ADCY10: variants seen among roughly 807,000 people sequenced by gnomAD.
ADCY10 encodes the protein adenylate cyclase type 10.
ADCY10 carries 156 observed loss-of-function variants against 183.3 expected under a neutral mutation model. That is an observed-to-expected ratio of 0.85 (90% CI 0.75 to 0.97). ADCY10 has a LOEUF of 0.97. Ranked by LOEUF, ADCY10 falls within the 50% of genes least tolerant of loss-of-function variation. The probability of loss-of-function intolerance (pLI) is 0.00; values close to 1 mark genes in which losing one functional copy is unlikely to be tolerated. For missense variants in ADCY10, 1,745 were observed against 1,934.3 expected (o/e 0.90, Z 1.84); for synonymous variants, 645 against 670.0 (o/e 0.96, Z 0.58).
chr1:167,823,211 G>A, intron 28 of ADCY10, 88 bp from the exon 29 acceptor site: 1 of 1,109,650 alleles, frequency 9.0e-7, no homozygotes. Flanking sequence ...TGGATCACGA[G>A]GTCAGGAGTT....
At chr1:167,876,416 TA>T (rs971956711) in intron 12 of ADCY10, among the ~76,000 whole-genome samples, 73 of 152,294 alleles carry the variant, frequency 4.8e-4, no homozygotes, top group African/African-American at 1.7e-3. Flanking sequence ...GCTCACTCCA[TA>T]ACACTATCTC....
chr1:167,866,257 G>A (rs943876785), intron 14 of ADCY10, among the ~76,000 whole-genome samples: 8 of 152,152 alleles, frequency 5.3e-5, no homozygotes, highest in Non-Finnish European at 7.3e-5. Flanking sequence ...ATCGTAAAGC[G>A]AGAGAAGCCC....
At chr1:167,815,912 C>T (rs1464411002) in intron 31 of ADCY10, among the ~76,000 whole-genome samples, 1 of 151,926 alleles carries the variant, frequency 6.6e-6, no homozygotes, top group Non-Finnish European at 1.5e-5. Context: ...CAGGACCCCG[C>T]TGAGGAAAGA....
At chr1:167,899,375 C>T (rs373802621) in intron 6 of ADCY10, 48 bp downstream of exon 6, 27 of 1,588,858 alleles carry the variant, frequency 1.7e-5, no homozygotes, top group African/African-American at 4.0e-5. Context: ...CAGGGGGCCT[C>T]TGTTACAGGC....
chr1:167,885,781 AT>A (rs1558233837), intron 8 of ADCY10, among the ~76,000 whole-genome samples: 2 of 151,896 alleles, frequency 1.3e-5, no homozygotes, highest in Admixed American at 1.3e-4. Flanking sequence ...CGCCCAGCTA[AT>A]TTTTTGTATT....
At chr1:167,833,253 C>T in intron 24 of ADCY10, 91 bp from the exon 25 acceptor site, 1 of 1,275,488 alleles carries the variant, frequency 7.8e-7, no homozygotes, top group Non-Finnish European at 1.1e-6. Flanking sequence ...TTTGGGGATT[C>T]TTATCAAAAA....
In ADCY10 at chr1:167,902,059, G is replaced by GAA. The variant is rs746507234; in HGVS notation, c.254-7_254-6dup. The GAA allele has an allele frequency of 3.6e-4, 492 of 1,357,616 alleles. No individual in the cohort carries two copies. The highest frequency in any genetic ancestry group is 1.9e-3 in the African/African-American group (126 of 67,474). The allele number at this position is 1,357,616 out of a possible 1,614,324, so 84.1% of individuals were successfully genotyped here. On this transcript the variant is annotated splice_polypyrimidine_tract_variant and splice_region_variant and intron_variant, in intron 3 of 32. Coordinates refer to ENST00000367851, the MANE Select transcript of ADCY10 (RefSeq NM_018417.6). ...CTCCTCCAAAAATCAACACTTCTGA[G>GAA]AAAAAAAAAAAAAATTAAATCAAAC...
At position 167,880,420 on chromosome 1, in the gene ADCY10, C is replaced by T. The variant is rs76779157; in HGVS notation, c.1139+71G>A. The T allele has an allele frequency of 2.3e-5, 27 of 1,152,900 alleles. No homozygotes were observed. The South Asian group carries it at 3.3e-4, about 14-fold the overall frequency. 71.4% of individuals were successfully genotyped at this position (1,152,900 alleles called of 1,614,324 possible). A position where few individuals can be genotyped will look rare whatever the true frequency, so the allele number is the denominator to read the frequency against. On this transcript the variant is annotated intron_variant, in intron 10 of 32. Transcript: ENST00000367851. Reference sequence around the variant, plus strand: ...ATTAATTCTTCTTTCTTTCCTGTTCCCTGCATGCCCTCCCTACTTATGCCT... The same window carrying T: ...ATTAATTCTTCTTTCTTTCCTGTTCTCTGCATGCCCTCCCTACTTATGCCT...
At chr1:167,829,453 A>T in intron 25 of ADCY10, 30 bp from the exon 26 acceptor site, 3 of 1,613,618 alleles carry the variant, frequency 1.9e-6, no homozygotes, top group Non-Finnish European at 2.5e-6. Flanking sequence ...CAAATGGAAC[A>T]TGAAAGGTAT....
intron 26 of ADCY10, among the ~76,000 whole-genome samples, chr1:167,826,657 C>A (rs184464115): frequency 1.3e-4 from 20 of 152,282 alleles, no homozygotes; most frequent in Admixed American, 1.0e-3. Context: ...GTTCTAGAAA[C>A]TTAGGATGTG....
chr1:167,874,580 G>T (rs1248983634), intron 13 of ADCY10, among the ~76,000 whole-genome samples: 1 of 94,472 alleles, frequency 1.1e-5, no homozygotes, highest in Non-Finnish European at 2.1e-5. Context: ...GGCACCCTTT[G>T]TCCCAACAAT....
chr1:167,832,910 G>A, intron 25 of ADCY10, 77 bp downstream of exon 25: 1 of 1,512,426 alleles, frequency 6.6e-7, no homozygotes, highest in Non-Finnish European at 9.1e-7. Context: ...CAGGCTTTGG[G>A]GGCTGACTTG....
chr1:167,845,887 A>G, intron 20 of ADCY10, 34 bp from the exon 21 acceptor site: 1 of 1,614,118 alleles, frequency 6.2e-7, no homozygotes, highest in Non-Finnish European at 8.5e-7. Context: ...TCAGCCAGGC[A>G]GTGGGCAACA....
intron 14 of ADCY10, among the ~76,000 whole-genome samples, chr1:167,864,598 GGAGA>G (rs960652176): frequency 4.6e-5 from 7 of 150,800 alleles, no homozygotes; most frequent in East Asian, 3.9e-4. Flanking sequence ...AGAGAGAGAG[GGAGA>G]GAGAGAGACA....
chr1:167,904,026 T>C, intron 2 of ADCY10, 35 bp from the exon 3 acceptor site: 2 of 1,465,740 alleles, frequency 1.4e-6, no homozygotes, highest in Non-Finnish European at 1.9e-6. Context: ...CCTTGGCTGC[T>C]TGGGGGAATC....
chr1:167,906,343 A>C (rs1173811440), intron 1 of ADCY10, among the ~76,000 whole-genome samples: 5 of 152,094 alleles, frequency 3.3e-5, no homozygotes, highest in Non-Finnish European at 5.9e-5. Flanking sequence ...TGAACAAAAG[A>C]AAGAAACATA....
rs551541759 is a variant in ADCY10 at position 167,883,230 on chromosome 1, G to A, written c.1020+207C>T. Among the ~76,000 whole-genome samples, 14 of 152,270 alleles carry A rather than the reference G, an allele frequency of 9.2e-5. No individual in the cohort carries two copies. The South Asian group carries it at 2.9e-3, about 32-fold the overall frequency. On this transcript the variant is annotated intron_variant, in intron 9 of 32. Transcript: ENST00000367851. Reference sequence around the variant, plus strand: ...TTTTTGCATTTTTAGTAGAGACAGGGTTTCACTATGTTGGCCAGTCTGGTC... The same window carrying A: ...TTTTTGCATTTTTAGTAGAGACAGGATTTCACTATGTTGGCCAGTCTGGTC...
chr1:167,908,248 A>T (rs1013592709), intron 1 of ADCY10, among the ~76,000 whole-genome samples: 1 of 152,364 alleles, frequency 6.6e-6, no homozygotes, highest in South Asian at 2.1e-4. Context: ...TCTTTCTTGT[A>T]TGATAGTGTG....
chr1:167,819,970 T>C, intron 30 of ADCY10: 1 of 1,371,056 alleles, frequency 7.3e-7, no homozygotes, highest in Non-Finnish European at 1.0e-6. Context: ...ATTCTTCCAT[T>C]GTTTTGCCAC....
Sources: gnomAD v4.1 joint callset for allele counts (sites outside exome capture counted in the v4.1 genomes callset) on GRCh38, gnomAD v4.1.1 for gene constraint, MANE v1.5 for transcripts, NCBI Gene and HGNC (gene_info 2026-07-23, HGNC 2026-07-21) for gene names.